The following IL34 variants were observed in gnomAD, a reference collection of about 807,000 sequenced individuals.
IL34 encodes the protein interleukin 34, also known as interleukin-34.
A neutral mutation model predicts 25.3 loss-of-function variants in IL34; 17 were observed. The ratio of observed to expected loss-of-function variants is 0.67; its 90% confidence interval spans 0.46 to 1.01. IL34 has a LOEUF of 1.01. IL34 is among the 50% of genes least tolerant of loss of function. The pLI, the probability that IL34 is intolerant of heterozygous loss-of-function variation, is 0.00. For synonymous variants in IL34, 174 were observed against 140.9 expected (o/e 1.23, Z -1.66); for missense variants, 368 against 312.9 (o/e 1.18, Z -1.33).
chr16:70,607,631 C>T (rs991900463), intron 1 of IL34, among the ~76,000 whole-genome samples: 9 of 152,250 alleles, frequency 5.9e-5, no homozygotes, highest in African/African-American at 2.2e-4. Flanking sequence ...TTCGAAGATG[C>T]CCCTTTTCAG....
intron 1 of IL34, among the ~76,000 whole-genome samples, chr16:70,587,105 C>G (rs2050703851): frequency 6.6e-6 from 1 of 152,154 alleles, no homozygotes; most frequent in South Asian, 2.1e-4. Context: ...TCTTGCAACT[C>G]TCAGGGGTGG....
chr16:70,657,152 T>TGTGTGTGTGTGCACACGTGTGTAC (rs774848853), intron 4 of IL34, 31 bp downstream of exon 4: 1 of 1,574,466 alleles, frequency 6.4e-7, no homozygotes, highest in Non-Finnish European at 8.6e-7. Context: ...GCAGGTGGGG[T>TGTGTGTGTGTGCACACGTGTGTAC]GTGTGTGTGT....
chr16:70,593,213 T>A (rs1489854024), intron 1 of IL34, among the ~76,000 whole-genome samples: 1 of 152,212 alleles, frequency 6.6e-6, no homozygotes, highest in Non-Finnish European at 1.5e-5. Context: ...AAGGTCTTTA[T>A]CAATATGTCT....
At chr16:70,652,160 T>C (rs921650670) in intron 1 of IL34, among the ~76,000 whole-genome samples, 2 of 147,220 alleles carry the variant, frequency 1.4e-5, no homozygotes, top group Non-Finnish European at 3.0e-5. Flanking sequence ...AAAATAAATG[T>C]CCTGCAAGGC....
At position 70,620,310 on chromosome 16, in the gene IL34, G is replaced by A. The variant is rs201149398; in HGVS notation, c.-400-26238G>A. ...AGAGCCTAAACGCTATCTGATTTGG[G>A]ATAAAGAAAAAGGAGCATTCACCTT... is the stretch of plus-strand genomic sequence containing the variant. On this transcript the variant is annotated intron_variant, in intron 1 of 6. Coordinates refer to the IL34 transcript ENST00000429149. Among the ~76,000 whole-genome samples the A allele has an allele frequency of 1.6e-4, 25 of 152,174 alleles. No homozygotes were observed. In the East Asian group the frequency reaches 4.8e-3, roughly 29 times the overall value.
chr16:70,633,671 C>T (rs2051570849), intron 1 of IL34, among the ~76,000 whole-genome samples: 1 of 152,098 alleles, frequency 6.6e-6, no homozygotes, highest in South Asian at 2.1e-4. Context: ...TGTATTCTGT[C>T]AAAGATCTGG....
At chr16:70,583,737 C>CTGGCTGCATGTGGGTCAATGATTTTCA (rs1340531156) in intron 1 of IL34, among the ~76,000 whole-genome samples, 4 of 151,702 alleles carry the variant, frequency 2.6e-5, no homozygotes, top group Non-Finnish European at 4.4e-5. Context: ...ACTGCAACCT[C>CTGGCTGCATGTGGGTCAATGATTTTCA]TGCCTCTTGG....
chr16:70,611,842 T>TTAAATAAATAAA (rs547858093), intron 1 of IL34, among the ~76,000 whole-genome samples: 1 of 151,434 alleles, frequency 6.6e-6, no homozygotes, highest in Non-Finnish European at 1.5e-5. Flanking sequence ...AGACTCTGTC[T>TTAAATAAATAAA]TAAATAAATA....
intron 1 of IL34, among the ~76,000 whole-genome samples, chr16:70,610,646 CA>C (rs2051076873): frequency 6.6e-6 from 1 of 152,210 alleles, no homozygotes; most frequent in African/African-American, 2.4e-5. Flanking sequence ...GAGGGAGTGA[CA>C]GGGGTGGCCT....
At position 70,654,625 on chromosome 16, in the gene IL34, G is replaced by C. The variant is rs770853968; in HGVS notation, c.116G>C (p.Gly39Ala). The C allele has an allele frequency of 6.2e-7, 1 of 1,613,316 alleles. No homozygotes were observed. Among genetic ancestry groups the C allele is most frequent in the Non-Finnish European group, 8.5e-7 (1 of 1,179,420 alleles). Residue 39 changes from glycine (G) to alanine (A), a missense_variant, in exon 2 of 6, where the codon GGT (glycine) becomes GCT (alanine). Physicochemically the swap from Gly to Ala is moderately conservative, Grantham distance 60. Coordinates refer to ENST00000288098, the MANE Select transcript of IL34 (RefSeq NM_001393494.1). ...LTQNEECTVTGFLRDKLQYRS... is the reference protein window; with the variant it reads ...LTQNEECTVTAFLRDKLQYRS... ...CAGAATGAGGAGTGCACTGTCACGG[G>C]TTTTCTGCGGGACAAGCTGCAGTAC...
chr16:70,603,366 A>C (rs1244202954), intron 1 of IL34, among the ~76,000 whole-genome samples: 2 of 151,916 alleles, frequency 1.3e-5, no homozygotes, highest in African/African-American at 2.4e-5. Context: ...CGCAACCTCC[A>C]CCTCTCGGAT....
At chr16:70,641,708 A>G (rs1405078432), upstream of IL34, among the ~76,000 whole-genome samples, 1 of 151,878 alleles carries the variant, frequency 6.6e-6, no homozygotes, top group East Asian at 1.9e-4. Flanking sequence ...CTGGGAGTAC[A>G]GGTGCATGCC....
At chr16:70,654,704 C>T in intron 2 of IL34, 33 bp downstream of exon 2, 1 of 1,572,488 alleles carries the variant, frequency 6.4e-7, no homozygotes, top group Non-Finnish European at 8.7e-7. Context: ...TGTCCCTGTC[C>T]CCGCGTCCCG....
Position 70,595,023 on chromosome 16 carries a change from C to T in IL34, c.-401+14974C>T, listed in dbSNP as rs140899102. The stretch of plus-strand genomic sequence containing the variant: ...AGGCTGGAGTGCAGTGGTGCGATCT[C>T]GGCTCACTGCAACCTCTGCCTCCAG... On this transcript the variant is annotated intron_variant, in intron 1 of 6. Coordinates refer to the IL34 transcript ENST00000429149. 9.1e-3 allele frequency among the ~76,000 whole-genome samples: 1,363 copies of T among 150,482 alleles called. 126 individuals are homozygous for T. The East Asian group carries it at 0.21, about 23-fold the overall frequency.
At chr16:70,628,710 C>T (rs2051451274) in intron 1 of IL34, among the ~76,000 whole-genome samples, 1 of 151,356 alleles carries the variant, frequency 6.6e-6, no homozygotes, top group Non-Finnish European at 1.5e-5. Flanking sequence ...TGGTCTTGAA[C>T]TCCTGACCTT....
At chr16:70,605,969 GT>G (rs77101515) in intron 1 of IL34, among the ~76,000 whole-genome samples, 26,013 of 123,042 alleles carry the variant, frequency 0.21, 2,542 homozygotes, top group South Asian at 0.31. Flanking sequence ...ACCGCACCTG[GT>G]TTTTTTTTTT....
chr16:70,581,200 C>G (rs908108092), intron 1 of IL34, among the ~76,000 whole-genome samples: 6 of 152,150 alleles, frequency 3.9e-5, no homozygotes, highest in African/African-American at 1.4e-4. Flanking sequence ...GCGTGAGCCA[C>G]CACGCCCGGC....
At chr16:70,585,092 A>G (rs2050676119) in intron 1 of IL34, among the ~76,000 whole-genome samples, 2 of 152,168 alleles carry the variant, frequency 1.3e-5, no homozygotes. Context: ...TCTCTATTAA[A>G]TGACTCCCCA....
chr16:70,613,838 T>C (rs1567444790), intron 1 of IL34, among the ~76,000 whole-genome samples: 2 of 145,798 alleles, frequency 1.4e-5, no homozygotes, highest in Admixed American at 6.9e-5. Flanking sequence ...TGCGCCACTG[T>C]ACTCCAGCCT....
Sources: gnomAD v4.1 joint callset for allele counts (sites outside exome capture counted in the v4.1 genomes callset) on GRCh38, gnomAD v4.1.1 for gene constraint, MANE v1.5 for transcripts, NCBI Gene and HGNC (gene_info 2026-07-23, HGNC 2026-07-21) for gene names.